Variants in DMD observed in about 807,000 individuals in gnomAD.
The protein encoded by DMD is dystrophin.
In DMD, 63 loss-of-function variants were observed where a neutral mutation model predicts 330.1. That is an observed-to-expected ratio of 0.19 (90% CI 0.16 to 0.24). The LOEUF (loss-of-function observed/expected upper bound fraction) is 0.24. Ranked by LOEUF, DMD falls within the 10% of genes least tolerant of loss-of-function variation. The probability of loss-of-function intolerance (pLI) is 1.00; values close to 1 mark genes in which losing one functional copy is unlikely to be tolerated. For synonymous variants in DMD, 1,223 were observed against 959.8 expected (o/e 1.27, Z -5.07); for missense variants, 3,344 against 2,684.1 (o/e 1.25, Z -5.43).
rs144312088 is a variant in DMD, at chrX:31,968,143, A to G, written c.6614+196T>C. Among the ~76,000 whole-genome samples the G allele has an allele frequency of 6.7e-3, 749 of 111,524 alleles. 4 individuals are homozygous for G. Among genetic ancestry groups the G allele is most frequent in the African/African-American group, 0.022 (689 of 30,702 alleles). ...AGTTTAAAATAGCAGAAAACCACTA[A>G]CTAGCCACAAGTATATATTTTAGTA... On this transcript the variant is annotated intron_variant, in intron 45 of 78. Coordinates refer to ENST00000357033, the MANE Select transcript of DMD (RefSeq NM_004006.3).
intron 47 of DMD, among the ~76,000 whole-genome samples, chrX:31,877,810 A>G (rs1486831673): frequency 9.0e-6 from 1 of 111,628 alleles, no homozygotes; most frequent in Non-Finnish European, 1.9e-5. Context: ...ATTTTAAAGG[A>G]GGTAACTAAA....
intron 2 of DMD, among the ~76,000 whole-genome samples, chrX:32,912,155 C>T (rs190489741): frequency 5.9e-4 from 65 of 110,200 alleles, no homozygotes; most frequent in African/African-American, 2.1e-3. Flanking sequence ...GTTATGAGAT[C>T]ATTCATTGGA....
chrX:31,792,008 G>A (rs2091593858), intron 50 of DMD, among the ~76,000 whole-genome samples: 1 of 111,730 alleles, frequency 9.0e-6, no homozygotes, highest in African/African-American at 3.2e-5. Context: ...TTCTCAAGAG[G>A]TATGCCTAAG....
rs1242148760 is a variant in DMD, at chrX:32,928,785, G to A, written c.94-78965C>T. 3.6e-5 allele frequency among the ~76,000 whole-genome samples: 4 copies of A among 111,649 alleles called. No individual in the cohort carries two copies. In the South Asian group the frequency reaches 1.5e-3, roughly 42 times the overall value. On this transcript the variant is annotated intron_variant, in intron 2 of 78. Coordinates refer to ENST00000357033, the MANE Select transcript of DMD (RefSeq NM_004006.3). ...ACACTGTTAACTTACATGGGGTTGG[G>A]GTAATTGCTTACAATCAGATATTCT...
At chrX:32,551,985 C>CA (rs1470097753) in intron 16 of DMD, among the ~76,000 whole-genome samples, 2 of 111,810 alleles carry the variant, frequency 1.8e-5, no homozygotes, top group East Asian at 5.6e-4. Context: ...AGATAACACA[C>CA]AAAAAATGGA....
At chrX:33,136,811 C>T (rs2096076435) in intron 1 of DMD, among the ~76,000 whole-genome samples, 1 of 110,412 alleles carries the variant, frequency 9.1e-6, no homozygotes, top group Non-Finnish European at 1.9e-5. Flanking sequence ...ATTACACAGT[C>T]TATGATATTT....
At chrX:33,016,846 T>C (rs2093812421) in intron 2 of DMD, among the ~76,000 whole-genome samples, 1 of 112,014 alleles carries the variant, frequency 8.9e-6, no homozygotes, top group Non-Finnish European at 1.9e-5. Context: ...TTCAAAACTG[T>C]ACTTCCCTTT....
intron 62 of DMD, among the ~76,000 whole-genome samples, chrX:31,298,834 G>A (rs1434853879): frequency 8.9e-6 from 1 of 111,948 alleles, no homozygotes; most frequent in African/African-American, 3.2e-5. Context: ...CTGGAAAGGA[G>A]ATGATCCACA....
At chrX:31,212,396 G>T (rs1403627783) in intron 64 of DMD, among the ~76,000 whole-genome samples, 1 of 109,516 alleles carries the variant, frequency 9.1e-6, no homozygotes, top group East Asian at 2.8e-4. Flanking sequence ...CAGGATAAAA[G>T]AAATGGCTGA....
intron 17 of DMD, among the ~76,000 whole-genome samples, chrX:32,525,287 A>ATCTC (rs1186880617): frequency 8.9e-6 from 1 of 111,980 alleles, no homozygotes; most frequent in Non-Finnish European, 1.9e-5. Context: ...ATGTACCACC[A>ATCTC]TCTCTTAGAG....
intron 55 of DMD, among the ~76,000 whole-genome samples, chrX:31,577,545 C>G (rs1423953940): frequency 4.5e-5 from 5 of 112,110 alleles, no homozygotes; most frequent in African/African-American, 1.6e-4. Context: ...AGAACCACAG[C>G]AGCTTGTCTG....
At chrX:32,738,265 T>G (rs2068778944) in intron 7 of DMD, among the ~76,000 whole-genome samples, 1 of 111,512 alleles carries the variant, frequency 9.0e-6, no homozygotes, top group African/African-American at 3.3e-5. Context: ...TGGGTCTTGT[T>G]GCTTTTAAAA....
intron 13 of DMD, among the ~76,000 whole-genome samples, chrX:32,594,952 T>C (rs2055351848): frequency 8.9e-6 from 1 of 111,753 alleles, no homozygotes; most frequent in Admixed American, 9.6e-5. Flanking sequence ...AGCAAGGGCT[T>C]TCTCTCCACT....
chrX:31,396,423 C>A (rs989331737), intron 60 of DMD, among the ~76,000 whole-genome samples: 3 of 111,452 alleles, frequency 2.7e-5, no homozygotes, highest in African/African-American at 9.8e-5. Context: ...AGGCGTGAGC[C>A]ACCGCGCCCG....
chrX:32,718,471 T>A (rs2065947255), intron 7 of DMD, among the ~76,000 whole-genome samples: 1 of 111,649 alleles, frequency 9.0e-6, no homozygotes, highest in African/African-American at 3.3e-5. Context: ...TGCAAGTCAA[T>A]TAAGCCTCTT....
At chrX:32,485,237 A>G (rs2148585949) in intron 20 of DMD, 138 bp from the exon 21 acceptor site, 1 of 565,797 alleles carries the variant, frequency 1.8e-6, no homozygotes, top group African/African-American at 2.3e-5. Flanking sequence ...CATCCATGAC[A>G]GTATAGACAA....
intron 30 of DMD, among the ~76,000 whole-genome samples, chrX:32,409,827 T>G (rs1386967899): frequency 9.0e-6 from 1 of 111,571 alleles, no homozygotes; most frequent in African/African-American, 3.2e-5. Flanking sequence ...ATTTCATTTA[T>G]AGTCATGTAG....
At chrX:32,816,664 T>G (rs2077789009) in intron 5 of DMD, 24 bp from the exon 6 acceptor site, 1 of 1,188,517 alleles carries the variant, frequency 8.4e-7, no homozygotes, top group African/African-American at 1.8e-5. Flanking sequence ...TAAATTTTCA[T>G]AAGAAAATGC....
chrX:31,555,529 G>A (rs976056262), intron 55 of DMD, among the ~76,000 whole-genome samples: 1 of 111,741 alleles, frequency 8.9e-6, no homozygotes, highest in Non-Finnish European at 1.9e-5. Context: ...CTTAATTCAG[G>A]CATCCATAGG....
Sources: allele counts gnomAD v4.1 joint callset (sites outside exome capture counted in the v4.1 genomes callset), GRCh38; gene constraint gnomAD v4.1.1; transcripts MANE v1.5; gene names NCBI Gene and HGNC (gene_info 2026-07-23, HGNC 2026-07-21).